The following THRB variants were observed in gnomAD, a reference collection of about 807,000 sequenced individuals.
THRB encodes thyroid hormone receptor beta.
THRB carries 12 observed loss-of-function variants against 47.8 expected under a neutral mutation model. The observed-to-expected ratio is 0.25, with a 90% CI of 0.16 to 0.41. The LOEUF (loss-of-function observed/expected upper bound fraction) is 0.41. THRB is among the 10% of genes least tolerant of loss of function. THRB has a pLI of 1.00. For missense variants in THRB, 348 were observed against 589.2 expected (o/e 0.59, Z 4.24); for synonymous variants, 218 against 212.2 (o/e 1.03, Z -0.24).
At chr3:24,210,974 G>T (rs116265741) in intron 4 of THRB, among the ~76,000 whole-genome samples, 4,523 of 152,014 alleles carry the variant, frequency 0.03, 202 homozygotes, top group African/African-American at 0.099. Flanking sequence ...TGAAGCGGGT[G>T]GAATACCTGA....
chr3:24,215,939 CA>C (rs2046519777), intron 4 of THRB, among the ~76,000 whole-genome samples: 1 of 152,044 alleles, frequency 6.6e-6, no homozygotes. Context: ...TGTCACCTGC[CA>C]ACCAAGAACA....
In THRB at chr3:24,208,185, CAA is replaced by C. The variant is rs747773797; in HGVS notation, c.23-17853_23-17852del. On this transcript the variant is annotated intron_variant, in intron 4 of 10. Transcript: ENST00000646209. The stretch of plus-strand genomic sequence containing the variant: ...GGGAGAACTACAAACCATTGCTCAA[CAA>C]AAAAAAAAAGAGGACACAAACAAAT... Among the ~76,000 whole-genome samples the C allele has an allele frequency of 3.8e-4, 53 of 138,158 alleles. 1 individual carries two copies. In the South Asian group the frequency reaches 7.2e-3, roughly 19 times the overall value. The allele number at this position is 138,158 out of a possible 152,430, so 90.6% of individuals were successfully genotyped here. A position where few individuals can be genotyped will look rare whatever the true frequency, so the allele number is the denominator to read the frequency against.
rs901823907 is a variant in THRB at position 24,284,838 on chromosome 3, C to T, written c.-43+12388G>A. 7.3e-4 allele frequency among the ~76,000 whole-genome samples: 111 copies of T among 152,166 alleles called. 1 individual carries two copies. Among genetic ancestry groups the T allele is most frequent in the African/African-American group, 2.7e-3 (110 of 41,466 alleles). ...CAAAAAACACATGAAAAAATGCTCA[C>T]CATCACTGGCCATCAGAGAAATGCA... On this transcript the variant is annotated intron_variant, in intron 3 of 10. Coordinates refer to ENST00000646209, the MANE Select transcript of THRB (RefSeq NM_001354712.2).
chr3:24,298,685 A>G (rs941063990), intron 2 of THRB, among the ~76,000 whole-genome samples: 3 of 152,240 alleles, frequency 2.0e-5, no homozygotes, highest in Non-Finnish European at 2.9e-5. Flanking sequence ...AGATGGAAAA[A>G]TAGAGCCTTA....
At chr3:24,377,707 T>C (rs12639559) in intron 1 of THRB, among the ~76,000 whole-genome samples, 1 of 152,058 alleles carries the variant, frequency 6.6e-6, no homozygotes, top group Non-Finnish European at 1.5e-5. Context: ...GAGTCAACAT[T>C]TGATAGCTGA....
chr3:24,126,252 C>A (rs1244808591), intron 10 of THRB, among the ~76,000 whole-genome samples: 1 of 151,896 alleles, frequency 6.6e-6, no homozygotes, highest in Non-Finnish European at 1.5e-5. Context: ...AAAAATTAGC[C>A]AGGGGTGGTG....
intron 1 of THRB, among the ~76,000 whole-genome samples, chr3:24,346,937 T>C (rs1380127496): frequency 6.7e-6 from 1 of 150,282 alleles, no homozygotes; most frequent in Non-Finnish European, 1.5e-5. Flanking sequence ...AATTGATTTA[T>C]AACATTACAG....
rs553596045 is a variant in THRB at position 24,327,257 on chromosome 3, A to ACC, written c.-189+10041_-189+10042dup. 8.2e-3 allele frequency among the ~76,000 whole-genome samples: 1,233 copies of ACC among 150,402 alleles called. 15 individuals are homozygous for ACC. The highest frequency in any genetic ancestry group is 0.028 in the African/African-American group (1,126 of 40,886). On this transcript the variant is annotated intron_variant, in intron 2 of 10. Coordinates refer to ENST00000646209, the MANE Select transcript of THRB (RefSeq NM_001354712.2). ...TGTTCATCCAAGTAAATGCTCAGGG[A>ACC]CCCCCCCCACCGCCACCCTCATTCT...
intron 2 of THRB, among the ~76,000 whole-genome samples, chr3:24,299,936 T>G (rs1364820526): frequency 6.6e-6 from 1 of 152,014 alleles, no homozygotes; most frequent in Non-Finnish European, 1.5e-5. Flanking sequence ...CAGGACAGCT[T>G]TGAGTTGCAC....
At chr3:24,464,357 G>A (rs2073962879) in intron 1 of THRB, among the ~76,000 whole-genome samples, 1 of 151,896 alleles carries the variant, frequency 6.6e-6, no homozygotes, top group East Asian at 1.9e-4. Context: ...TTAAACTTTA[G>A]CCCAAATAAT....
intron 1 of THRB, among the ~76,000 whole-genome samples, chr3:24,368,059 G>A (rs1347599882): frequency 6.6e-6 from 1 of 152,084 alleles, no homozygotes; most frequent in African/African-American, 2.4e-5. Flanking sequence ...CCACATACAA[G>A]ATAACAATGC....
At chr3:24,394,173 C>T (rs1397353298) in intron 1 of THRB, among the ~76,000 whole-genome samples, 2 of 152,056 alleles carry the variant, frequency 1.3e-5, no homozygotes, top group African/African-American at 4.8e-5. Context: ...ATTTTCCTTG[C>T]TTGTTTCTTG....
intron 4 of THRB, among the ~76,000 whole-genome samples, chr3:24,202,748 CTG>C (rs1176073348): frequency 6.6e-6 from 1 of 152,176 alleles, no homozygotes; most frequent in African/African-American, 2.4e-5. Context: ...GGAGGAGATG[CTG>C]TGATTAGCCC....
Position 24,190,321 on chromosome 3 carries a change from T to C in THRB, c.36A>G (p.Thr12=). The change falls in exon 5 of 11, where the codon ACA becomes ACG. Residue 12 remains threonine (T), a synonymous_variant. Transcript: ENST00000646209. The stretch of plus-strand genomic sequence containing the variant: ...GACAGTGCTTCGGTTTGTCCCAGGC[T>C]GTAAGGCCATTTTCTAAAGGGTTGA... ...TPNSMTENGL[T]AWDKPKHCPD... 6.2e-7 allele frequency: 1 copy of C among 1,614,122 alleles called. No homozygotes were observed. The highest frequency in any genetic ancestry group is 8.5e-7 in the Non-Finnish European group (1 of 1,179,948).
At chr3:24,287,778 A>G (rs956944651) in intron 3 of THRB, among the ~76,000 whole-genome samples, 4 of 152,210 alleles carry the variant, frequency 2.6e-5, no homozygotes, top group Non-Finnish European at 4.4e-5. Flanking sequence ...ACACAATTCA[A>G]ATGTAGGCTC....
intron 6 of THRB, among the ~76,000 whole-genome samples, chr3:24,147,324 C>T (rs1480566792): frequency 6.6e-6 from 1 of 152,160 alleles, no homozygotes; most frequent in Non-Finnish European, 1.5e-5. Flanking sequence ...AACAGATGTA[C>T]TAGCTGGCTT....
At chr3:24,299,713 T>A (rs919590561) in intron 2 of THRB, among the ~76,000 whole-genome samples, 1 of 150,938 alleles carries the variant, frequency 6.6e-6, no homozygotes, top group African/African-American at 2.4e-5. Flanking sequence ...CATCAGTACA[T>A]CTGAATTCTT....
At chr3:24,176,844 A>G (rs969997605) in intron 5 of THRB, among the ~76,000 whole-genome samples, 1 of 152,174 alleles carries the variant, frequency 6.6e-6, no homozygotes, top group African/African-American at 2.4e-5. Context: ...GATGATGGAA[A>G]TGTTCTAAAA....
intron 1 of THRB, among the ~76,000 whole-genome samples, chr3:24,445,902 T>C (rs943716746): frequency 3.3e-5 from 5 of 152,208 alleles, no homozygotes; most frequent in African/African-American, 1.2e-4. Context: ...AATAATCATG[T>C]TTTGAAAAAT....
Sources: gnomAD v4.1 joint callset for allele counts (sites outside exome capture counted in the v4.1 genomes callset) on GRCh38, gnomAD v4.1.1 for gene constraint, MANE v1.5 for transcripts, NCBI Gene and HGNC (gene_info 2026-07-23, HGNC 2026-07-21) for gene names.